Variants in METTL1 observed in about 807,000 individuals in gnomAD.
The protein encoded by METTL1 is methyltransferase 1, tRNA methylguanosine.
A neutral mutation model predicts 27.7 loss-of-function variants in METTL1; 14 were observed. That is an observed-to-expected ratio of 0.51 (90% CI 0.33 to 0.79). The LOEUF (loss-of-function observed/expected upper bound fraction) is 0.79, where lower values mean the gene tolerates loss of function less well. Ranked by LOEUF, METTL1 falls within the 30% of genes least tolerant of loss-of-function variation. The probability of loss-of-function intolerance (pLI) is 0.02; values close to 1 mark genes in which losing one functional copy is unlikely to be tolerated. For synonymous variants in METTL1, 138 were observed against 137.0 expected (o/e 1.01, Z -0.05); for missense variants, 333 against 359.6 (o/e 0.93, Z 0.60).
At position 57,771,691 on chromosome 12, in the gene METTL1, G is replaced by A. The variant is rs1310245980; in HGVS notation, c.110+283C>T. ...TTAAATCCAACAAACAAAAGCAAAAGATGGAAACGACATTCTGCCTCTATC... is the reference window on the plus strand; with the variant it reads ...TTAAATCCAACAAACAAAAGCAAAAAATGGAAACGACATTCTGCCTCTATC... On this transcript the variant is annotated intron_variant, in intron 1 of 5. Coordinates refer to ENST00000324871, the MANE Select transcript of METTL1 (RefSeq NM_005371.6). 5 of 1,495,766 alleles carry A rather than the reference G, an allele frequency of 3.3e-6. No homozygotes were observed. The East Asian group carries it at 7.5e-5, about 22-fold the overall frequency. 92.7% of individuals were successfully genotyped at this position (1,495,766 alleles called of 1,614,324 possible). A position where few individuals can be genotyped will look rare whatever the true frequency, so the allele number is the denominator to read the frequency against.
chr12:57,769,015 G>A lies in METTL1; in HGVS notation c.812C>T (p.Thr271Ile). 6.2e-7 allele frequency: 1 copy of A among 1,605,694 alleles called. No homozygotes were observed. Among genetic ancestry groups the A allele is most frequent in the East Asian group, 2.2e-5 (1 of 44,634 alleles). The stretch of plus-strand genomic sequence containing the variant: ...AAGCAGTCAGTGACCAGGCAGGCTG[G>A]TTTGGGAGGTCACTGCCTGGAGGAC... ...DPVLQAVTSQ[T>I]SLPGH The change falls in exon 6 of 6, where the codon ACC becomes ATC. Residue 271 changes from threonine (T) to isoleucine (I), a missense_variant. By Grantham distance (89) the Thr-to-Ile change is moderately conservative. Transcript: ENST00000324871.
In METTL1 at chr12:57,769,516, G is replaced by GT. The variant is rs760364302; in HGVS notation, c.573+48_573+49insA. On this transcript the variant is annotated intron_variant, in intron 4 of 5. Coordinates refer to ENST00000324871, the MANE Select transcript of METTL1 (RefSeq NM_005371.6). ...CACCCCCACTGAATTCTTAGTGAAG[G>GT]GCCCCTGAGTAGGCCACTCACCCCA... The GT allele has an allele frequency of 6.1e-5, 95 of 1,563,730 alleles. 1 individual carries two copies. In the African/African-American group the frequency reaches 1.1e-3, roughly 18 times the overall value.
intron 1 of METTL1, chr12:57,771,488 CT>C (rs1224451871): frequency 1.3e-6 from 2 of 1,514,644 alleles, no homozygotes; most frequent in Non-Finnish European, 1.8e-6. Flanking sequence ...ACCTGCCCAA[CT>C]CCACTTCTGG....
chr12:57,770,953 G>A (rs1955421714), intron 2 of METTL1, 141 bp downstream of exon 2: 2 of 856,650 alleles, frequency 2.3e-6, no homozygotes, highest in East Asian at 2.7e-5. Context: ...CAGAGTAGAG[G>A]GTAGGTGGAG....
rs1955436413 is a variant in METTL1 at position 57,771,824 on chromosome 12, C to A, written c.110+150G>T. On this transcript the variant is annotated intron_variant, in intron 1 of 5. Transcript: ENST00000324871. ...TCAACCCGCCAACTCCTCTCTCGGT[C>A]GAATCTCCCGGTCCCACCCCCAAAA... 22 of 1,136,382 alleles carry A rather than the reference C, an allele frequency of 1.9e-5. No individual in the cohort carries two copies. In the South Asian group the frequency reaches 3.6e-4, roughly 19 times the overall value. The allele number at this position is 1,136,382 out of a possible 1,614,324, so 70.4% of individuals were successfully genotyped here.
intron 1 of METTL1, 40 bp from the exon 2 acceptor site, chr12:57,771,297 C>A: frequency 1.4e-6 from 2 of 1,415,522 alleles, no homozygotes; most frequent in South Asian, 2.3e-5. Flanking sequence ...GAAGGTTGGT[C>A]ACACCATTGC....
rs1955404415 is a variant in METTL1 at position 57,769,670 on chromosome 12, C to G, written c.468G>C (p.Lys156Asn). ...PNFFYKGQLT[K>N]MFFLFPDPHF... The stretch of plus-strand genomic sequence containing the variant: ...GTGGGTCGGGGAAGAGGAAGAACAT[C>G]TTTGTCAGCTGTGAGACAGACACAC... Residue 156 changes from lysine to asparagine, a missense_variant, in exon 4 of 6, where the codon AAG becomes AAC. Transcript: ENST00000324871. The G allele has an allele frequency of 1.3e-6, 2 of 1,571,264 alleles. No homozygotes were observed. Among genetic ancestry groups the G allele is most frequent in the South Asian group, 1.2e-5 (1 of 84,680 alleles).
intron 2 of METTL1, 87 bp from the exon 3 acceptor site, chr12:57,770,043 G>A: frequency 7.4e-7 from 1 of 1,359,318 alleles, no homozygotes. Context: ...GCCTCAACCT[G>A]CAACTACCAA....
At chr12:57,770,762 A>G in intron 2 of METTL1, 2 of 219,370 alleles carry the variant, frequency 9.1e-6, no homozygotes, top group Non-Finnish European at 1.8e-5. Flanking sequence ...CTCTGAGAAA[A>G]GACAGTTCAG....
Position 57,768,976 on chromosome 12 carries a change from A to C in METTL1, c.*20T>G. The C allele has an allele frequency of 6.3e-7, 1 of 1,591,596 alleles. No homozygotes were observed. The highest frequency in any genetic ancestry group is 8.6e-7 in the Non-Finnish European group (1 of 1,162,514). On this transcript the variant is annotated 3_prime_UTR_variant, in exon 6 of 6. Coordinates refer to ENST00000324871, the MANE Select transcript of METTL1 (RefSeq NM_005371.6). ...CTCTAATCCCTGGGAGACGAGGTCC[A>C]GCTAAGGTAGAGTAAGCAGTCAGTG...
rs749576570 is a variant in METTL1, at chr12:57,771,080, G to A, written c.274+14C>T. 66 of 1,610,738 alleles carry A rather than the reference G, an allele frequency of 4.1e-5. No homozygotes were observed. The highest frequency in any genetic ancestry group is 3.9e-4 in the Admixed American group (23 of 59,542). On this transcript the variant is annotated intron_variant, in intron 2 of 5. Coordinates refer to ENST00000324871, the MANE Select transcript of METTL1 (RefSeq NM_005371.6). ...AGGCCTCTTCTCACCCCAAAAAGAG[G>A]GCCTGAGTGTTACCTAACAGGCCAC... is the stretch of plus-strand genomic sequence containing the variant.
Position 57,768,716 on chromosome 12 carries a change from A to G in METTL1, c.*280T>C. On this transcript the variant is annotated 3_prime_UTR_variant, in exon 6 of 6. Coordinates refer to ENST00000324871, the MANE Select transcript of METTL1 (RefSeq NM_005371.6). ...ATCTCACAAGGAGAAAGGAGTGCTAAGGAAGAGCAAGACCCCACAGCCTTC... is the reference window on the plus strand; with the variant it reads ...ATCTCACAAGGAGAAAGGAGTGCTAGGGAAGAGCAAGACCCCACAGCCTTC... 2.6e-6 allele frequency: 1 copy of G among 392,010 alleles called. No individual in the cohort carries two copies. Among genetic ancestry groups the G allele is most frequent in the Admixed American group, 3.8e-5 (1 of 26,216 alleles). 24.3% of individuals were successfully genotyped at this position (392,010 alleles called of 1,614,324 possible). A position where few individuals can be genotyped will look rare whatever the true frequency, so the allele number is the denominator to read the frequency against.
At chr12:57,771,846 A>C (rs1341154431) in intron 1 of METTL1, 128 bp downstream of exon 1, 13 of 1,227,344 alleles carry the variant, frequency 1.1e-5, no homozygotes, top group South Asian at 9.9e-5. Flanking sequence ...TCCCACCCCC[A>C]AAAACTGACG....
intron 1 of METTL1, 123 bp downstream of exon 1, chr12:57,771,851 C>A: frequency 8.0e-7 from 1 of 1,249,520 alleles, no homozygotes; most frequent in Non-Finnish European, 1.1e-6. Context: ...CCCCCAAAAA[C>A]TGACGTCACC....
chr12:57,771,735 AT>A (rs1955435037), intron 1 of METTL1: 2 of 1,373,300 alleles, frequency 1.5e-6, no homozygotes, highest in Non-Finnish European at 1.9e-6. Flanking sequence ...CTCAGTAACA[AT>A]TTATTTCTCT....
intron 4 of METTL1, 59 bp from the exon 5 acceptor site, chr12:57,769,463 AG>A (rs763378114): frequency 2.5e-6 from 4 of 1,604,656 alleles, no homozygotes; most frequent in Non-Finnish European, 3.4e-6. Flanking sequence ...AGCCAGATGA[AG>A]GAAGTGGTGG....
Position 57,769,134 on chromosome 12 carries a change from C to T in METTL1, c.693G>A (p.Val231=). Residue 231 remains valine (V), a synonymous_variant, in exon 6 of 6, where the codon GTG becomes GTA. Transcript: ENST00000324871. The part of the protein sequence containing the change: ...PLEDLSEDPV[V]GHLGTSTEEG... ...CCTCAGTTGAGGTGCCTAGATGTCC[C>T]ACAACGGGGTCTTCACTCTGGGAGA... The T allele has an allele frequency of 6.2e-7, 1 of 1,604,200 alleles. No individual in the cohort carries two copies. Among genetic ancestry groups the T allele is most frequent in the Non-Finnish European group, 8.5e-7 (1 of 1,171,538 alleles).
chr12:57,771,040 G>T, intron 2 of METTL1, 54 bp downstream of exon 2: 1 of 1,572,784 alleles, frequency 6.4e-7, no homozygotes. Flanking sequence ...AGTTGCTGAG[G>T]CAGCAGAAGC....
In METTL1 at chr12:57,771,224, C is replaced by G. The variant is rs997260506; in HGVS notation, c.144G>C (p.Glu48Asp). 6.2e-7 allele frequency: 1 copy of G among 1,614,118 alleles called. No individual in the cohort carries two copies. Among genetic ancestry groups the G allele is most frequent in the Non-Finnish European group, 8.5e-7 (1 of 1,180,008 alleles). ...PVKPEEMDWS[E>D]LYPEFFAPLT... ...GTGGAGCGAAGAACTCTGGGTATAG[C>G]TCAGACCAGTCCATCTCCTCTGGCT... The change falls in exon 2 of 6, where the codon GAG becomes GAC. Residue 48 changes from glutamate (E) to aspartate (D), a missense_variant. Physicochemically the swap from Glu to Asp is conservative, Grantham distance 45 (BLOSUM62 2). Transcript: ENST00000324871.
Sources: gnomAD v4.1 joint callset for allele counts on GRCh38, gnomAD v4.1.1 for gene constraint, MANE v1.5 for transcripts, NCBI Gene and HGNC (gene_info 2026-07-23, HGNC 2026-07-21) for gene names.